Variants in ZBTB7C observed in about 807,000 individuals in gnomAD.
ZBTB7C encodes the protein zinc finger and BTB domain-containing protein 7C.
A neutral mutation model predicts 25.7 loss-of-function variants in ZBTB7C; 8 were observed. The observed-to-expected ratio is 0.31, with a 90% confidence interval of 0.18 to 0.56. ZBTB7C has a LOEUF of 0.56. ZBTB7C is among the 20% of genes least tolerant of loss of function. ZBTB7C has a pLI of 0.91. For synonymous variants in ZBTB7C, 394 were observed against 369.0 expected, an observed-to-expected ratio of 1.07 and a Z score of -0.78; for missense variants, 824 against 855.2, an observed-to-expected ratio of 0.96 and a Z score of 0.46.
chr18:48,392,996 G>T (rs2047936911), intron 1 of ZBTB7C, among the ~76,000 whole-genome samples: 1 of 152,178 alleles, frequency 6.6e-6, no homozygotes, highest in African/African-American at 2.4e-5. Flanking sequence ...AGAAGATACT[G>T]GCCAGGATGA....
intron 2 of ZBTB7C, among the ~76,000 whole-genome samples, chr18:48,245,133 C>T (rs1282688815): frequency 6.9e-6 from 1 of 144,378 alleles, no homozygotes; most frequent in Non-Finnish European, 1.5e-5. Flanking sequence ...CCATGGAATA[C>T]TATTCAGCCA....
chr18:48,208,543 C>T (rs2042631896), intron 2 of ZBTB7C, among the ~76,000 whole-genome samples: 1 of 152,216 alleles, frequency 6.6e-6, no homozygotes, highest in Non-Finnish European at 1.5e-5. Flanking sequence ...AGCCTGGAGT[C>T]TCACCCAGAT....
intron 2 of ZBTB7C, among the ~76,000 whole-genome samples, chr18:48,295,840 C>T (rs925744401): frequency 5.3e-5 from 8 of 152,186 alleles, no homozygotes; most frequent in Admixed American, 1.3e-4. Flanking sequence ...GGGGGGCAGT[C>T]GCAGGCGAGT....
At chr18:48,404,118 C>T (rs977405017) in intron 1 of ZBTB7C, among the ~76,000 whole-genome samples, 2 of 152,050 alleles carry the variant, frequency 1.3e-5, no homozygotes, top group Non-Finnish European at 2.9e-5. Context: ...CCAGCCATGG[C>T]GGGGCCGCCT....
intron 3 of ZBTB7C, among the ~76,000 whole-genome samples, chr18:48,078,737 G>T (rs1284273301): frequency 6.6e-6 from 1 of 152,178 alleles, no homozygotes; most frequent in East Asian, 1.9e-4. Flanking sequence ...CTTGGCAGGA[G>T]CTTAGTTCAA....
In ZBTB7C at chr18:48,040,088, G is replaced by C. The variant is rs768113686; in HGVS notation, c.1020C>G (p.Ala340=). 6.2e-7 allele frequency: 1 copy of C among 1,610,852 alleles called. No individual in the cohort carries two copies. The highest frequency in any genetic ancestry group is 8.5e-7 in the Non-Finnish European group (1 of 1,178,392). ...DYGAYLNFLS[A]THLGGLFPPW... ...GTGGGAAGAGGCCTCCCAGGTGGGT[G>C]GCACTCAGGAAGTTGAGATAGGCAC... is the stretch of plus-strand genomic sequence containing the variant. Residue 340 remains alanine (A), a synonymous_variant, in exon 4 of 5, where the codon GCC becomes GCG. Transcript: ENST00000590800.
intron 4 of ZBTB7C, among the ~76,000 whole-genome samples, chr18:48,036,518 A>G (rs2035978656): frequency 6.6e-6 from 1 of 152,184 alleles, no homozygotes; most frequent in African/African-American, 2.4e-5. Context: ...TCTTCCCAAC[A>G]TCAAGGAGGG....
intron 2 of ZBTB7C, among the ~76,000 whole-genome samples, chr18:48,217,474 T>G (rs1207812625): frequency 6.6e-6 from 1 of 152,128 alleles, no homozygotes; most frequent in Non-Finnish European, 1.5e-5. Context: ...ACCTGACCAC[T>G]GAGGGCCTTT....
At chr18:48,042,276 C>A (rs2036281802) in intron 3 of ZBTB7C, among the ~76,000 whole-genome samples, 1 of 148,764 alleles carries the variant, frequency 6.7e-6, no homozygotes, top group African/African-American at 2.4e-5. Context: ...AAGCCTAAAA[C>A]AAAACAAACA....
intron 2 of ZBTB7C, among the ~76,000 whole-genome samples, chr18:48,272,094 G>A (rs2044509113): frequency 6.6e-6 from 1 of 152,210 alleles, no homozygotes; most frequent in Admixed American, 6.5e-5. Flanking sequence ...TGACTGGACT[G>A]AGTGATGCCC....
At chr18:48,056,751 A>G (rs1240085440) in intron 3 of ZBTB7C, among the ~76,000 whole-genome samples, 1 of 152,196 alleles carries the variant, frequency 6.6e-6, no homozygotes, top group African/African-American at 2.4e-5. Context: ...CAAATGATAC[A>G]TGTAGCAAAG....
intron 2 of ZBTB7C, among the ~76,000 whole-genome samples, chr18:48,258,204 T>C (rs764865111): frequency 6.6e-6 from 1 of 152,224 alleles, no homozygotes; most frequent in Non-Finnish European, 1.5e-5. Context: ...ACTACTCCTA[T>C]TCAACATTGT....
chr18:48,106,635 G>A (rs2039037740), intron 3 of ZBTB7C, among the ~76,000 whole-genome samples: 1 of 152,116 alleles, frequency 6.6e-6, no homozygotes, highest in African/African-American at 2.4e-5. Context: ...ATCTACAAGT[G>A]TCAAAACCTA....
chr18:48,412,581 C>G (rs747868999), upstream of ZBTB7C, among the ~76,000 whole-genome samples: 2 of 152,074 alleles, frequency 1.3e-5, no homozygotes, highest in Non-Finnish European at 2.9e-5. Context: ...AGGGAAGAGG[C>G]TTTGAATAAA....
At chr18:48,037,263 C>T (rs1258120644) in intron 4 of ZBTB7C, among the ~76,000 whole-genome samples, 3 of 152,200 alleles carry the variant, frequency 2.0e-5, no homozygotes, top group Admixed American at 6.5e-5. Flanking sequence ...GCCAGATGGC[C>T]GTCATTCTGG....
At chr18:48,227,019 C>CAAAAAAAAA (rs1187830776) in intron 2 of ZBTB7C, among the ~76,000 whole-genome samples, 1 of 56,116 alleles carries the variant, frequency 1.8e-5, no homozygotes, top group Non-Finnish European at 3.7e-5. Flanking sequence ...GACTCCATCT[C>CAAAAAAAAA]AAAAAAAAAA....
intron 2 of ZBTB7C, among the ~76,000 whole-genome samples, chr18:48,277,305 A>C (rs565548726): frequency 4.0e-4 from 59 of 148,302 alleles, no homozygotes; most frequent in African/African-American, 1.4e-3. Context: ...TACAAGAAAA[A>C]AACAAACAAC....
chr18:48,294,045 GA>G (rs1568358132), intron 2 of ZBTB7C, among the ~76,000 whole-genome samples: 1 of 152,244 alleles, frequency 6.6e-6, no homozygotes, highest in African/African-American at 2.4e-5. Context: ...GCCACCGTGG[GA>G]GTCATTAGCA....
At chr18:48,374,911 G>A (rs2047482460) in intron 1 of ZBTB7C, among the ~76,000 whole-genome samples, 1 of 152,246 alleles carries the variant, frequency 6.6e-6, no homozygotes, top group Non-Finnish European at 1.5e-5. Context: ...TGCTGGCCTG[G>A]AAGAGAGTTC....
Sources: gnomAD v4.1 joint callset for allele counts (sites outside exome capture counted in the v4.1 genomes callset) on GRCh38, gnomAD v4.1.1 for gene constraint, MANE v1.5 for transcripts, NCBI Gene and HGNC (gene_info 2026-07-23, HGNC 2026-07-21) for gene names.